SLIT3: variants seen among roughly 807,000 people sequenced by gnomAD.
SLIT3 encodes slit guidance ligand 3.
Under a neutral mutation model 184.0 loss-of-function variants are expected in SLIT3, and 68 were observed. The ratio of observed to expected loss-of-function variants is 0.37; its 90% CI spans 0.30 to 0.45. SLIT3 has a LOEUF of 0.45. Ranked by LOEUF, SLIT3 falls within the 20% of genes least tolerant of loss-of-function variation. SLIT3 has a pLI of 1.00. For missense variants in SLIT3, 1,707 were observed against 2,026.0 expected, an observed-to-expected ratio of 0.84 and a Z score of 3.02; for synonymous variants, 831 against 828.6, an observed-to-expected ratio of 1.00 and a Z score of -0.05.
intron 5 of SLIT3, among the ~76,000 whole-genome samples, chr5:168,851,425 AAAG>A (rs1758676581): frequency 6.6e-6 from 1 of 152,168 alleles, no homozygotes; most frequent in Non-Finnish European, 1.5e-5. Flanking sequence ...TAGATAAATA[AAAG>A]AACAACAATA....
At chr5:168,774,488 A>T in intron 12 of SLIT3, 110 bp from the exon 13 acceptor site, 1 of 1,141,394 alleles carries the variant, frequency 8.8e-7, no homozygotes, top group Non-Finnish European at 1.3e-6. Context: ...TCATCCTTGC[A>T]GCCTTGAGCT....
chr5:168,832,894 C>T (rs1345916435), intron 6 of SLIT3, among the ~76,000 whole-genome samples: 1 of 152,048 alleles, frequency 6.6e-6, no homozygotes, highest in African/African-American at 2.4e-5. Flanking sequence ...GGTCTCCGAA[C>T]CAAACAAATT....
chr5:168,787,720 A>C (rs1756206354), intron 11 of SLIT3, among the ~76,000 whole-genome samples: 1 of 152,166 alleles, frequency 6.6e-6, no homozygotes, highest in Non-Finnish European at 1.5e-5. Context: ...GCTGTTCATG[A>C]CTGGGTCTCT....
At chr5:169,246,112 A>G (rs1180847510) in intron 2 of SLIT3, among the ~76,000 whole-genome samples, 2 of 152,208 alleles carry the variant, frequency 1.3e-5, no homozygotes, top group South Asian at 4.1e-4. Flanking sequence ...TTGAAAATCA[A>G]GATATTTCAC....
intron 3 of SLIT3, among the ~76,000 whole-genome samples, chr5:169,198,825 G>A (rs1338511215): frequency 1.3e-5 from 2 of 151,864 alleles, no homozygotes; most frequent in African/African-American, 2.4e-5. Context: ...CCCGCTACTC[G>A]GGAGGCTTAG....
chr5:168,986,962 CGCTTGAACCCGGGAG>C (rs1395524351), intron 4 of SLIT3, among the ~76,000 whole-genome samples: 1 of 152,192 alleles, frequency 6.6e-6, no homozygotes, highest in African/African-American at 2.4e-5. Flanking sequence ...GCAGGAGAAT[CGCTTGAACCCGGGAG>C]GCAGAGGTTG....
intron 4 of SLIT3, among the ~76,000 whole-genome samples, chr5:169,190,369 A>C (rs1210789585): frequency 6.6e-6 from 1 of 152,208 alleles, no homozygotes; most frequent in Non-Finnish European, 1.5e-5. Flanking sequence ...TGACATCACC[A>C]AGCCCCTGGA....
At chr5:168,953,226 G>A (rs1762719459) in intron 4 of SLIT3, among the ~76,000 whole-genome samples, 1 of 152,232 alleles carries the variant, frequency 6.6e-6, no homozygotes. Context: ...CCAAATGGAT[G>A]CTTCTTCCAC....
chr5:168,722,591 C>T (rs557953220), intron 22 of SLIT3, among the ~76,000 whole-genome samples: 81 of 152,304 alleles, frequency 5.3e-4, no homozygotes, highest in African/African-American at 1.8e-3. Flanking sequence ...ATGATGAGTA[C>T]TCACAATGTG....
intron 12 of SLIT3, among the ~76,000 whole-genome samples, chr5:168,778,262 T>A (rs999057633): frequency 2.6e-5 from 4 of 152,206 alleles, no homozygotes; most frequent in African/African-American, 9.7e-5. Flanking sequence ...ATTTTTCTGA[T>A]AAGAAAACAG....
intron 4 of SLIT3, among the ~76,000 whole-genome samples, chr5:169,043,234 T>C (rs1337543022): frequency 6.6e-6 from 1 of 152,200 alleles, no homozygotes; most frequent in Non-Finnish European, 1.5e-5. Flanking sequence ...CAGTTTTGCT[T>C]TGCACTTCAT....
At chr5:168,681,242 T>C (rs1055098331) in intron 32 of SLIT3, among the ~76,000 whole-genome samples, 7 of 152,230 alleles carry the variant, frequency 4.6e-5, no homozygotes, top group African/African-American at 1.7e-4. Context: ...TTGATTTTGC[T>C]GTGGAACCAC....
At position 168,795,523 on chromosome 5, in the gene SLIT3, T is replaced by C. The variant is rs1460880037; in HGVS notation, c.991A>G (p.Lys331Glu). Residue 331 changes from lysine (K) to glutamate (E), a missense_variant, in exon 10 of 36, where the codon AAG (lysine) becomes GAG (glutamate). This residue lies in a region of SLIT3 where 1,307 missense variants were observed against 1,511.6 expected (regional missense o/e 0.86). Coordinates refer to ENST00000519560, the MANE Select transcript of SLIT3 (RefSeq NM_003062.4). ...GAAACTCACATTCGCTTCAGTTTCT[T>C]GTACTGGGTGAAGGCTCCTGCAGGG... is the stretch of plus-strand genomic sequence containing the variant. ...AIPAGAFTQY[K>E]KLKRIDISKN... 1 of 1,613,494 alleles carries C rather than the reference T, an allele frequency of 6.2e-7. No homozygotes were observed. The highest frequency in any genetic ancestry group is 1.3e-5 in the African/African-American group (1 of 74,908).
intron 4 of SLIT3, among the ~76,000 whole-genome samples, chr5:168,932,256 G>GTTTT (rs66581399): frequency 1.5e-5 from 2 of 131,006 alleles, no homozygotes; most frequent in Admixed American, 7.7e-5. Context: ...TGTTGTTGTT[G>GTTTT]TGTTTTTTTT....
rs1423073905 is a variant in SLIT3 at position 168,746,411 on chromosome 5, AGT to A, written c.2270+1889_2270+1890del. Among the ~76,000 whole-genome samples, 19 of 28,558 alleles carry A rather than the reference AGT, an allele frequency of 6.7e-4. 1 individual carries two copies. The highest frequency in any genetic ancestry group is 3.1e-3 in the African/African-American group (18 of 5,720). 18.7% of individuals were successfully genotyped at this position (28,558 alleles called of 152,430 possible). On this transcript the variant is annotated intron_variant, in intron 20 of 35. Coordinates refer to ENST00000519560, the MANE Select transcript of SLIT3 (RefSeq NM_003062.4). ...GGGTGTGTGGTGTCTGGTGGTGTGT[AGT>A]GTGTGAGTGTGGTGGTGTGTGGTGG...
intron 20 of SLIT3, among the ~76,000 whole-genome samples, chr5:168,736,466 T>C (rs1386781895): frequency 1.3e-5 from 2 of 152,174 alleles, no homozygotes; most frequent in Non-Finnish European, 2.9e-5. Context: ...ATGTCAAGGA[T>C]GTAGTCAGTG....
At chr5:168,895,546 T>A (rs1760631323) in intron 4 of SLIT3, among the ~76,000 whole-genome samples, 1 of 152,158 alleles carries the variant, frequency 6.6e-6, no homozygotes, top group African/African-American at 2.4e-5. Flanking sequence ...AGGAAAGCAA[T>A]TCAGCAAGAG....
intron 1 of SLIT3, among the ~76,000 whole-genome samples, chr5:169,284,848 T>C (rs1475474374): frequency 6.6e-6 from 1 of 152,254 alleles, no homozygotes; most frequent in African/African-American, 2.4e-5. Flanking sequence ...ATAAGTATTA[T>C]TGTCTTTATG....
intron 8 of SLIT3, among the ~76,000 whole-genome samples, chr5:168,807,832 C>A (rs883241): frequency 6.6e-6 from 1 of 152,086 alleles, no homozygotes; most frequent in Non-Finnish European, 1.5e-5. Context: ...TTGAGCCAGA[C>A]GACCAGCAGA....
Sources: gnomAD v4.1 joint callset for allele counts (sites outside exome capture counted in the v4.1 genomes callset) on GRCh38, gnomAD v4.1.1 for gene constraint, gnomAD v4.1.1 regional missense constraint, MANE v1.5 for transcripts, NCBI Gene and HGNC (gene_info 2026-07-23, HGNC 2026-07-21) for gene names.